The following OCLN variants were observed in gnomAD, a reference collection of about 807,000 sequenced individuals.
OCLN encodes occludin.
OCLN carries 21 observed loss-of-function variants against 47.9 expected under a neutral mutation model. The ratio of observed to expected loss-of-function variants is 0.44; its 90% CI spans 0.31 to 0.63. The LOEUF (loss-of-function observed/expected upper bound fraction) is 0.63, where lower values mean the gene tolerates loss of function less well. Among genes scored for constraint, OCLN ranks in the 30% least tolerant of loss-of-function variants. The probability of loss-of-function intolerance (pLI) is 0.08; values close to 1 mark genes in which losing one functional copy is unlikely to be tolerated. For synonymous variants in OCLN, 117 were observed against 198.4 expected, an observed-to-expected ratio of 0.59 and a Z score of 3.45; for missense variants, 360 against 571.0, an observed-to-expected ratio of 0.63 and a Z score of 3.77.
chr5:69,502,840 C>T (rs1768497654), intron 1 of OCLN, among the ~76,000 whole-genome samples: 2 of 152,154 alleles, frequency 1.3e-5, no homozygotes, highest in Non-Finnish European at 2.9e-5. Flanking sequence ...GGCAGATGAC[C>T]TCCATCTTCA....
rs1323379880 is a variant in OCLN, at chr5:69,509,489, C to T, written c.399C>T (p.Asp133=). The change falls in exon 3 of 9, where the codon GAC becomes GAT. Residue 133 remains aspartate, a synonymous_variant. Transcript: ENST00000396442. ...GYGYGYGGYT[D]PRAAKGFMLA... is the part of the protein sequence containing the mutation. Reference sequence around the variant, plus strand: ...GCTATGGCTACGGAGGCTATACAGACCCAAGAGCAGCAAAGGGCTTCATGT... The same window carrying T: ...GCTATGGCTACGGAGGCTATACAGATCCAAGAGCAGCAAAGGGCTTCATGT... 1 of 1,614,132 alleles carries T rather than the reference C, an allele frequency of 6.2e-7. No individual in the cohort carries two copies.
intron 2 of OCLN, among the ~76,000 whole-genome samples, chr5:69,506,893 G>C (rs1162318042): frequency 6.6e-6 from 1 of 152,114 alleles, no homozygotes; most frequent in Non-Finnish European, 1.5e-5. Context: ...TGTTGCTTTT[G>C]TAAATAATGG....
chr5:69,510,953 AGTG>A (rs542425824), intron 3 of OCLN, among the ~76,000 whole-genome samples: 134 of 152,276 alleles, frequency 8.8e-4, no homozygotes, highest in South Asian at 6.8e-3. Context: ...TGAGAAGTGA[AGTG>A]GTGCTTTATT....
intron 2 of OCLN, among the ~76,000 whole-genome samples, chr5:69,508,022 C>CAT (rs1367002187): frequency 3.9e-5 from 6 of 152,052 alleles, no homozygotes; most frequent in Non-Finnish European, 8.8e-5. Context: ...ATTCTTTCTT[C>CAT]ATATTATATC....
At chr5:69,530,842 T>C (rs1222619553) in intron 4 of OCLN, 1 of 152,290 alleles carries the variant, frequency 6.6e-6, no homozygotes, top group Non-Finnish European at 1.5e-5. Context: ...CAGCTCAGTG[T>C]GCCTCATTGA....
chr5:69,524,814 G>A (rs530180864), intron 4 of OCLN, among the ~76,000 whole-genome samples: 1 of 152,276 alleles, frequency 6.6e-6, no homozygotes, highest in East Asian at 1.9e-4. Context: ...AGCCTCCCAA[G>A]TAGCTGGGAT....
intron 4 of OCLN, chr5:69,530,789 T>C (rs1769408743): frequency 6.6e-6 from 1 of 152,432 alleles, no homozygotes; most frequent in South Asian, 2.1e-4. Flanking sequence ...GTGGAGTCAG[T>C]GGTCAAGCTA....
At chr5:69,496,561 CTTTTTTTTTTT>C (rs77543950) in intron 1 of OCLN, among the ~76,000 whole-genome samples, 2 of 122,782 alleles carry the variant, frequency 1.6e-5, no homozygotes. Flanking sequence ...TTTTTTTATA[CTTTTTTTTTTT>C]TTTTTTTTTT....
At chr5:69,536,690 C>T (rs565801004) in intron 5 of OCLN, among the ~76,000 whole-genome samples, 11 of 151,258 alleles carry the variant, frequency 7.3e-5, no homozygotes, top group East Asian at 5.8e-4. Flanking sequence ...AACAAAAGGC[C>T]GGACGCGGTG....
chr5:69,533,080 T>G (rs1202524919), intron 4 of OCLN, among the ~76,000 whole-genome samples: 1 of 145,324 alleles, frequency 6.9e-6, no homozygotes, highest in African/African-American at 2.7e-5. Context: ...CACACACATA[T>G]ATATATATAC....
At chr5:69,517,500 A>G (rs1769008450) in intron 4 of OCLN, among the ~76,000 whole-genome samples, 1 of 151,780 alleles carries the variant, frequency 6.6e-6, no homozygotes, top group Admixed American at 6.6e-5. Context: ...TTTAGGAGAG[A>G]TGGGGTTTCA....
Position 69,518,368 on chromosome 5 carries a change from A to G in OCLN, c.891+4259A>G, listed in dbSNP as rs371059075. Among the ~76,000 whole-genome samples the G allele has an allele frequency of 7.6e-4, 116 of 152,362 alleles. 1 individual carries two copies. In the South Asian group the frequency reaches 0.023, roughly 30 times the overall value. ...CTAATGTTTTATGTGATTCTTAACC[A>G]GAGGCAAATTCCTCATTTCTTTTCC... On this transcript the variant is annotated intron_variant, in intron 4 of 8. Transcript: ENST00000396442.
chr5:69,513,834 C>A, intron 3 of OCLN, 114 bp from the exon 4 acceptor site: 1 of 896,956 alleles, frequency 1.1e-6, no homozygotes, highest in Non-Finnish European at 1.8e-6. Flanking sequence ...TCAATTAAAC[C>A]ACATGGATTT....
Position 69,509,393 on chromosome 5 carries a change from T to C in OCLN, c.303T>C (p.Ser101=), listed in dbSNP as rs1160777194. 6.2e-7 allele frequency: 1 copy of C among 1,614,104 alleles called. No homozygotes were observed. Among genetic ancestry groups the C allele is most frequent in the East Asian group, 2.2e-5 (1 of 44,900 alleles). Residue 101 remains serine, a synonymous_variant, in exon 3 of 9, where the codon AGT becomes AGC. Coordinates refer to ENST00000396442, the MANE Select transcript of OCLN (RefSeq NM_001205254.2). ...ATGGAACTTCCCTTTTAGGAGGTAG[T>C]GTAGGCTACCCTTATGGAGGAAGTG... The part of the protein sequence containing the change: ...RGYGTSLLGG[S]VGYPYGGSGF...
intron 2 of OCLN, among the ~76,000 whole-genome samples, chr5:69,507,319 G>C (rs1768634716): frequency 6.6e-6 from 1 of 152,088 alleles, no homozygotes; most frequent in Non-Finnish European, 1.5e-5. Flanking sequence ...GCTTTTAGTA[G>C]AGACGGGGTT....
intron 5 of OCLN, among the ~76,000 whole-genome samples, chr5:69,536,824 C>T (rs1283365250): frequency 2.0e-5 from 3 of 152,228 alleles, no homozygotes; most frequent in East Asian, 1.9e-4. Flanking sequence ...AAAAATTAGC[C>T]GGGCATGGTG....
Position 69,511,277 on chromosome 5 carries a change from G to GT in OCLN, c.729+1461dup, listed in dbSNP as rs1487109178. On this transcript the variant is annotated intron_variant, in intron 3 of 8. Coordinates refer to ENST00000396442, the MANE Select transcript of OCLN (RefSeq NM_001205254.2). Reference sequence around the variant, plus strand: ...TTTTTGTATTTTTAGTAGAGATGGGGTTTCACCGTGTTAGCCACGATGGTC... The same window carrying GT: ...TTTTTGTATTTTTAGTAGAGATGGGGTTTTCACCGTGTTAGCCACGATGGTC... Among the ~76,000 whole-genome samples, 4 of 151,416 alleles carry GT rather than the reference G, an allele frequency of 2.6e-5. No individual in the cohort carries two copies. In the East Asian group the frequency reaches 7.8e-4, roughly 29 times the overall value.
At chr5:69,533,224 T>C (rs992254524) in intron 4 of OCLN, among the ~76,000 whole-genome samples, 2 of 152,002 alleles carry the variant, frequency 1.3e-5, no homozygotes, top group African/African-American at 4.8e-5. Flanking sequence ...AAGCCTTCCA[T>C]GTTAATATTG....
chr5:69,533,818 A>C (rs1171115024), intron 4 of OCLN, among the ~76,000 whole-genome samples: 1 of 151,884 alleles, frequency 6.6e-6, no homozygotes, highest in Non-Finnish European at 1.5e-5. Flanking sequence ...ACGCCCAGCT[A>C]ATTTTTTTTG....
Sources: gnomAD v4.1 joint callset for allele counts (sites outside exome capture counted in the v4.1 genomes callset) on GRCh38, gnomAD v4.1.1 for gene constraint, MANE v1.5 for transcripts, NCBI Gene and HGNC (gene_info 2026-07-23, HGNC 2026-07-21) for gene names.